The following TTC28 variants were observed in gnomAD, a reference collection of about 807,000 sequenced individuals.
The protein encoded by TTC28 is tetratricopeptide repeat domain 28, also known as tetratricopeptide repeat protein 28.
TTC28 carries 61 observed loss-of-function variants against 198.0 expected under a neutral mutation model. The observed-to-expected ratio is 0.31, with a 90% CI of 0.25 to 0.38. The LOEUF (loss-of-function observed/expected upper bound fraction) is 0.38. Among genes scored for constraint, TTC28 ranks in the 10% least tolerant of loss-of-function variants. The pLI, the probability that TTC28 is intolerant of heterozygous loss-of-function variation, is 1.00. For synonymous variants in TTC28, 1,171 were observed against 1,297.8 expected (o/e 0.90, Z 2.10); for missense variants, 2,678 against 3,164.0 (o/e 0.85, Z 3.69).
intron 12 of TTC28, among the ~76,000 whole-genome samples, chr22:28,044,447 CT>C (rs913363967): frequency 2.0e-5 from 3 of 152,014 alleles, no homozygotes; most frequent in Admixed American, 6.6e-5. Context: ...ATTTTCTTTT[CT>C]TTTTTTTCTA....
chr22:28,586,047 G>A (rs5752761), intron 2 of TTC28, among the ~76,000 whole-genome samples: 150,186 of 151,842 alleles, frequency 0.99, 74,300 homozygotes, highest in Middle Eastern at 1. Context: ...TTGGGAGGCT[G>A]AGGCGGTCAA....
intron 1 of TTC28, among the ~76,000 whole-genome samples, chr22:28,658,784 G>A (rs2051698605): frequency 6.6e-6 from 1 of 152,180 alleles, no homozygotes; most frequent in Non-Finnish European, 1.5e-5. Flanking sequence ...ATCACCTGAG[G>A]TCAGGATTTC....
chr22:28,355,800 G>A (rs1327405991), intron 2 of TTC28, among the ~76,000 whole-genome samples: 1 of 152,196 alleles, frequency 6.6e-6, no homozygotes, highest in Non-Finnish European at 1.5e-5. Context: ...CCCAACTATA[G>A]TGCTGAAGGG....
intron 2 of TTC28, among the ~76,000 whole-genome samples, chr22:28,476,368 A>G (rs1334157015): frequency 2.0e-5 from 3 of 152,170 alleles, no homozygotes; most frequent in African/African-American, 7.2e-5. Context: ...TATCTTGTCA[A>G]TGGACAACTG....
chr22:28,603,120 C>T (rs2050668905), intron 2 of TTC28, among the ~76,000 whole-genome samples: 1 of 152,060 alleles, frequency 6.6e-6, no homozygotes, highest in Non-Finnish European at 1.5e-5. Context: ...ACCTCGTGAC[C>T]CACCCACCTC....
chr22:28,169,851 A>G (rs903272123), intron 5 of TTC28, among the ~76,000 whole-genome samples: 2 of 151,808 alleles, frequency 1.3e-5, no homozygotes, highest in Non-Finnish European at 2.9e-5. Flanking sequence ...TAAAATAAAG[A>G]ACCTGATTAA....
intron 2 of TTC28, among the ~76,000 whole-genome samples, chr22:28,385,636 G>A (rs758623615): frequency 6.6e-6 from 1 of 151,860 alleles, no homozygotes; most frequent in Non-Finnish European, 1.5e-5. Context: ...CTCACTTATT[G>A]TGAATTTTTT....
In TTC28 at chr22:28,591,030, CACACACACACATATAT is replaced by C. The variant is rs1480425860; in HGVS notation, c.381+38506_381+38521del. Among the ~76,000 whole-genome samples the C allele has an allele frequency of 7.3e-3, 497 of 68,352 alleles. 1 individual carries two copies. Among genetic ancestry groups the C allele is most frequent in the Admixed American group, 9.8e-3 (53 of 5,394 alleles). The allele number at this position is 68,352 out of a possible 152,430, so 44.8% of individuals were successfully genotyped here. ...TCAAACACACACACACACACACACA[CACACACACACATATAT>C]ATATATATATATATATATATATATA... is the stretch of plus-strand genomic sequence containing the variant. On this transcript the variant is annotated intron_variant, in intron 2 of 22. Coordinates refer to ENST00000397906, the MANE Select transcript of TTC28 (RefSeq NM_001145418.2).
chr22:28,182,633 C>A (rs906967731), intron 5 of TTC28, among the ~76,000 whole-genome samples: 1 of 152,094 alleles, frequency 6.6e-6, no homozygotes, highest in Non-Finnish European at 1.5e-5. Flanking sequence ...TCATTACAGC[C>A]CCCCTGCTAA....
intron 1 of TTC28, among the ~76,000 whole-genome samples, chr22:28,633,289 A>AG (rs1179569650): frequency 1.3e-5 from 2 of 150,782 alleles, no homozygotes; most frequent in African/African-American, 4.9e-5. Flanking sequence ...TCAAAAAAAA[A>AG]AAAGAAAAAG....
At chr22:28,181,538 T>A (rs900143813) in intron 5 of TTC28, among the ~76,000 whole-genome samples, 4 of 152,196 alleles carry the variant, frequency 2.6e-5, no homozygotes, top group Admixed American at 1.3e-4. Context: ...TCATTTTTTT[T>A]AAAACTTGAT....
intron 12 of TTC28, among the ~76,000 whole-genome samples, chr22:28,083,837 T>C (rs1266346713): frequency 6.6e-6 from 1 of 152,206 alleles, no homozygotes; most frequent in African/African-American, 2.4e-5. Context: ...TCCAATAGGC[T>C]TAACAAATGG....
intron 12 of TTC28, among the ~76,000 whole-genome samples, chr22:28,092,590 A>AACTCTCACTTTT (rs1445231247): frequency 6.6e-6 from 1 of 152,074 alleles, no homozygotes; most frequent in Non-Finnish European, 1.5e-5. Context: ...ATGCCCCTCT[A>AACTCTCACTTTT]ACTCTCACTT....
At chr22:28,675,473 C>T (rs576396728) in intron 1 of TTC28, among the ~76,000 whole-genome samples, 51 of 152,096 alleles carry the variant, frequency 3.4e-4, no homozygotes, top group Non-Finnish European at 6.8e-4. Flanking sequence ...AAGAGTAAAC[C>T]GGGTGTGGTG....
chr22:28,416,227 T>C (rs1447290705), intron 2 of TTC28, among the ~76,000 whole-genome samples: 1 of 152,206 alleles, frequency 6.6e-6, no homozygotes, highest in African/African-American at 2.4e-5. Context: ...TTAACTTCAG[T>C]GTACACTATC....
intron 1 of TTC28, among the ~76,000 whole-genome samples, chr22:28,678,161 A>G (rs1238650518): frequency 6.6e-6 from 1 of 152,174 alleles, no homozygotes; most frequent in Non-Finnish European, 1.5e-5. Context: ...TTAATTTAGA[A>G]TTTTGATTCA....
At chr22:28,371,598 A>T (rs865799899) in intron 2 of TTC28, among the ~76,000 whole-genome samples, 1 of 27,762 alleles carries the variant, frequency 3.6e-5, no homozygotes, top group African/African-American at 1.4e-4. Context: ...AAAAAAAAAA[A>T]TTTTTTTTTT....
intron 1 of TTC28, among the ~76,000 whole-genome samples, chr22:28,645,976 G>C (rs1167439633): frequency 6.6e-6 from 1 of 151,976 alleles, no homozygotes; most frequent in Non-Finnish European, 1.5e-5. Flanking sequence ...TACTGAACGG[G>C]GAAAAGTTGA....
At chr22:28,566,552 G>T (rs1265844123) in intron 2 of TTC28, among the ~76,000 whole-genome samples, 1 of 152,140 alleles carries the variant, frequency 6.6e-6, no homozygotes, top group Non-Finnish European at 1.5e-5. Flanking sequence ...TTGAATGCTC[G>T]AAGAGAAATT....
Sources: gnomAD v4.1 joint callset for allele counts (sites outside exome capture counted in the v4.1 genomes callset) on GRCh38, gnomAD v4.1.1 for gene constraint, MANE v1.5 for transcripts, NCBI Gene and HGNC (gene_info 2026-07-23, HGNC 2026-07-21) for gene names.